Variants in COPG2 observed in about 807,000 individuals in gnomAD.
COPG2 encodes the protein coat protein complex I subunit gamma 2.
A neutral mutation model predicts 46.3 loss-of-function variants in COPG2; 37 were observed. That is an observed-to-expected ratio of 0.80 (90% CI 0.61 to 1.05). The LOEUF is 1.05. Ranked by LOEUF, COPG2 falls within the 50% of genes least tolerant of loss-of-function variation. The pLI, the probability that COPG2 is intolerant of heterozygous loss-of-function variation, is 0.00. For missense variants in COPG2, 427 were observed against 387.8 expected, an observed-to-expected ratio of 1.10 and a Z score of -0.85; for synonymous variants, 159 against 129.7, an observed-to-expected ratio of 1.23 and a Z score of -1.53.
intron 1 of COPG2, among the ~76,000 whole-genome samples, chr7:130,667,845 T>C (rs1321350489): frequency 6.6e-6 from 1 of 152,174 alleles, no homozygotes; most frequent in Non-Finnish European, 1.5e-5. Context: ...GAGATTGTAG[T>C]AGGGTGCTTT....
chr7:130,642,049 T>C lies in COPG2; in HGVS notation c.323+10820A>G, dbSNP rs531701074. 7.2e-5 allele frequency among the ~76,000 whole-genome samples: 11 copies of C among 152,304 alleles called. 1 individual carries two copies. In the South Asian group the frequency reaches 2.1e-3, roughly 29 times the overall value. On this transcript the variant is annotated intron_variant, in intron 5 of 23. Coordinates refer to ENST00000425248, the MANE Select transcript of COPG2 (RefSeq NM_012133.6). ...TGATGGATCATTCCTCAGGACTCAATTCCAGAATTCTCAATTCTCTCAATT... is the reference window on the plus strand; with the variant it reads ...TGATGGATCATTCCTCAGGACTCAACTCCAGAATTCTCAATTCTCTCAATT...
chr7:130,554,903 C>G (rs1012860777), intron 13 of COPG2, 134 bp downstream of exon 13: 4 of 397,498 alleles, frequency 1.0e-5, no homozygotes, highest in African/African-American at 8.2e-5. Flanking sequence ...AGTAATAAGA[C>G]AGTAACCAGA....
intron 5 of COPG2, among the ~76,000 whole-genome samples, chr7:130,628,441 A>G (rs1795160756): frequency 1.3e-5 from 2 of 152,178 alleles, no homozygotes; most frequent in Non-Finnish European, 2.9e-5. Flanking sequence ...CATGGCTAGA[A>G]TAAGAACCTC....
chr7:130,652,570 T>A (rs1795769027), intron 5 of COPG2, among the ~76,000 whole-genome samples: 1 of 152,244 alleles, frequency 6.6e-6, no homozygotes, highest in Non-Finnish European at 1.5e-5. Context: ...GCCTTTGATG[T>A]ATTTGTTGTA....
chr7:130,554,033 G>A (rs947558262), intron 14 of COPG2, among the ~76,000 whole-genome samples: 12 of 152,178 alleles, frequency 7.9e-5, no homozygotes, highest in Admixed American at 2.0e-4. Flanking sequence ...AGCTAATAAC[G>A]GCTACTTCAA....
chr7:130,588,058 C>T (rs1794317330), intron 9 of COPG2, among the ~76,000 whole-genome samples: 1 of 151,980 alleles, frequency 6.6e-6, no homozygotes, highest in Admixed American at 6.5e-5. Context: ...CTCACCATCA[C>T]TGGCCATCAG....
intron 7 of COPG2, among the ~76,000 whole-genome samples, 183 bp downstream of exon 7, chr7:130,613,361 C>G (rs983892162): frequency 1.3e-5 from 2 of 152,206 alleles, no homozygotes; most frequent in African/African-American, 2.4e-5. Context: ...GGTCACAGAC[C>G]AGTACTGGTC....
chr7:130,598,106 A>G (rs182278733), intron 9 of COPG2, among the ~76,000 whole-genome samples: 1 of 152,078 alleles, frequency 6.6e-6, no homozygotes, highest in Admixed American at 6.5e-5. Context: ...AAGCTGGGAC[A>G]TTAGAGCAAG....
intron 20 of COPG2, among the ~76,000 whole-genome samples, chr7:130,537,700 G>A: frequency 6.6e-6 from 1 of 152,370 alleles, no homozygotes; most frequent in Non-Finnish European, 1.5e-5. Context: ...ATCAGGGAAT[G>A]TACTGCAGCA....
intron 5 of COPG2, among the ~76,000 whole-genome samples, chr7:130,648,539 CT>C (rs1795665274): frequency 6.6e-6 from 1 of 152,142 alleles, no homozygotes; most frequent in African/African-American, 2.4e-5. Flanking sequence ...GGCAAAATTC[CT>C]CTCCATCTTC....
intron 9 of COPG2, among the ~76,000 whole-genome samples, chr7:130,599,335 A>G (rs1241277515): frequency 6.6e-6 from 1 of 152,156 alleles, no homozygotes; most frequent in East Asian, 1.9e-4. Context: ...ATGGCACTGG[A>G]TTTGACCTAG....
At chr7:130,568,266 ACT>A (rs1793837924) in intron 9 of COPG2, among the ~76,000 whole-genome samples, 1 of 151,992 alleles carries the variant, frequency 6.6e-6, no homozygotes, top group South Asian at 2.1e-4. Flanking sequence ...CAGGAGCGAA[ACT>A]CTGTCTCAAA....
chr7:130,657,786 G>A (rs1431982719), intron 4 of COPG2, among the ~76,000 whole-genome samples: 4 of 151,162 alleles, frequency 2.6e-5, no homozygotes, highest in African/African-American at 9.7e-5. Flanking sequence ...ATGAAAAGAT[G>A]TTTGAGATCA....
chr7:130,661,852 G>A (rs781788675), intron 4 of COPG2, among the ~76,000 whole-genome samples: 19 of 152,208 alleles, frequency 1.2e-4, no homozygotes, highest in Non-Finnish European at 2.2e-4. Flanking sequence ...ATCTGGGTAA[G>A]GGGGCCAGAA....
At chr7:130,523,294 A>G (rs1799741411) in intron 20 of COPG2, among the ~76,000 whole-genome samples, 3 of 151,882 alleles carry the variant, frequency 2.0e-5, no homozygotes, top group Admixed American at 6.6e-5. Flanking sequence ...GGCCTATCCA[A>G]TCATCTGAAG....
chr7:130,613,761 A>C, intron 6 of COPG2, 125 bp from the exon 7 acceptor site: 2 of 668,064 alleles, frequency 3.0e-6, no homozygotes, highest in Non-Finnish European at 2.6e-6. Flanking sequence ...TTCAGAATGC[A>C]CTAAAAGGAT....
chr7:130,528,735 G>A (rs1416437430), intron 20 of COPG2, among the ~76,000 whole-genome samples: 1 of 151,668 alleles, frequency 6.6e-6, no homozygotes, highest in Non-Finnish European at 1.5e-5. Context: ...TAATGGGCAA[G>A]AAGAATGAGT....
intron 5 of COPG2, among the ~76,000 whole-genome samples, chr7:130,642,576 A>G (rs1157294710): frequency 6.6e-6 from 1 of 152,170 alleles, no homozygotes; most frequent in Non-Finnish European, 1.5e-5. Flanking sequence ...CTGAATCAGC[A>G]ATTTTTTCCT....
chr7:130,668,391 G>A (rs147097392), intron 1 of COPG2, among the ~76,000 whole-genome samples: 2 of 148,814 alleles, frequency 1.3e-5, no homozygotes, highest in Non-Finnish European at 3.0e-5. Flanking sequence ...GGGCGGGAAC[G>A]GGGCGCGCGC....
Sources: gnomAD v4.1 joint callset for allele counts (sites outside exome capture counted in the v4.1 genomes callset) on GRCh38, gnomAD v4.1.1 for gene constraint, MANE v1.5 for transcripts, NCBI Gene and HGNC (gene_info 2026-07-23, HGNC 2026-07-21) for gene names.